NUP50: variants seen among roughly 807,000 people sequenced by gnomAD.
NUP50 encodes nucleoporin 50.
In NUP50, 14 loss-of-function variants were observed where a neutral mutation model predicts 36.8. The observed-to-expected ratio is 0.38, with a 90% CI of 0.25 to 0.59. The LOEUF (loss-of-function observed/expected upper bound fraction) is 0.59, where lower values mean the gene tolerates loss of function less well. NUP50 is among the 20% of genes least tolerant of loss of function. NUP50 has a pLI of 0.63. For missense variants in NUP50, 455 were observed against 564.6 expected, an observed-to-expected ratio of 0.81 and a Z score of 1.97; for synonymous variants, 195 against 210.8, an observed-to-expected ratio of 0.93 and a Z score of 0.65.
intron 3 of NUP50, among the ~76,000 whole-genome samples, chr22:45,172,636 T>C (rs571874062): frequency 8.5e-5 from 13 of 152,312 alleles, no homozygotes; most frequent in South Asian, 2.1e-4. Flanking sequence ...AGGTGTATCA[T>C]TCACACTTTG....
In NUP50 at chr22:45,176,451, G is replaced by A. The variant is rs148529879; in HGVS notation, c.340+371G>A. Among the ~76,000 whole-genome samples, 1,270 of 152,256 alleles carry A rather than the reference G, an allele frequency of 8.3e-3. 5 individuals carry two copies. The highest frequency in any genetic ancestry group is 0.013 in the Non-Finnish European group (888 of 68,014). ...GTGCCAAGGGCTTTCTGTGTGCCTC[G>A]CACCAAACTGGCTACTGGGAACTCA... On this transcript the variant is annotated intron_variant, in intron 4 of 7. Transcript: ENST00000347635.
intron 7 of NUP50, chr22:45,183,961 AGAACAGGGG>A (rs1569058427): frequency 4.8e-6 from 1 of 206,226 alleles, no homozygotes; most frequent in African/African-American, 2.3e-5. Flanking sequence ...GTAGTGGTAG[AGAACAGGGG>A]GCTGTGTTGC....
At position 45,175,877 on chromosome 22, in the gene NUP50, C is replaced by T. The variant is rs374324076; in HGVS notation, c.154-17C>T. 3 of 1,613,378 alleles carry T rather than the reference C, an allele frequency of 1.9e-6. No individual in the cohort carries two copies. The highest frequency in any genetic ancestry group is 1.7e-6 in the Non-Finnish European group (2 of 1,179,726). The stretch of plus-strand genomic sequence containing the variant: ...AAAGTACACTTACCTAATGTGTGCT[C>T]CTCCTTCATACTTCAGTCTGACACT... On this transcript the variant is annotated splice_polypyrimidine_tract_variant and intron_variant, in intron 3 of 7. Coordinates refer to ENST00000347635, the MANE Select transcript of NUP50 (RefSeq NM_007172.4).
At position 45,184,626 on chromosome 22, in the gene NUP50, A is replaced by G. The variant is rs1409610794; in HGVS notation, c.1378A>G (p.Lys460Glu). Residue 460 changes from lysine (K) to glutamate (E), a missense_variant, in exon 8 of 8, where the codon AAA becomes GAA. Lys to Glu is a moderately conservative substitution (Grantham distance 56, BLOSUM62 1). Around this residue, in one of 3 missense-constraint regions of NUP50, gnomAD observed 287 missense variants for 345.5 expected, o/e 0.83. Transcript: ENST00000347635. The part of the protein sequence containing the change: ...KTSEDADELH[K>E]ILLEKKDA Reference sequence around the variant, plus strand: ...CAGCGAGGATGCAGACGAGTTGCACAAAATTTTACTGGAGAAAAAGGATGC... The same window carrying G: ...CAGCGAGGATGCAGACGAGTTGCACGAAATTTTACTGGAGAAAAAGGATGC... 2 of 1,613,314 alleles carry G rather than the reference A, an allele frequency of 1.2e-6. No individual in the cohort carries two copies. Among genetic ancestry groups the G allele is most frequent in the South Asian group, 2.2e-5 (2 of 91,064 alleles).
At chr22:45,172,565 GTTCTCCTT>G (rs1390045770) in intron 3 of NUP50, among the ~76,000 whole-genome samples, 4 of 151,944 alleles carry the variant, frequency 2.6e-5, no homozygotes, top group Non-Finnish European at 4.4e-5. Context: ...TTTCCTGAGC[GTTCTCCTT>G]AAGGGACATG....
At chr22:45,178,936 A>G (rs750316630) in intron 5 of NUP50, 36 bp downstream of exon 5, 18 of 1,559,230 alleles carry the variant, frequency 1.2e-5, no homozygotes, top group Non-Finnish European at 1.4e-5. Flanking sequence ...CGAGGTTTGC[A>G]TAAGATTCTT....
At chr22:45,178,971 T>C (rs1023980039) in intron 5 of NUP50, 71 bp downstream of exon 5, 13 of 1,417,490 alleles carry the variant, frequency 9.2e-6, no homozygotes, top group Admixed American at 2.2e-5. Flanking sequence ...CCAGAGACTT[T>C]GATTCCAAAT....
intron 2 of NUP50, among the ~76,000 whole-genome samples, chr22:45,169,769 TTAG>T (rs2074155843): frequency 6.6e-6 from 1 of 152,198 alleles, no homozygotes; most frequent in African/African-American, 2.4e-5. Flanking sequence ...CACCTGTTAC[TTAG>T]TAGACCGTGA....
At chr22:45,175,168 A>G (rs1183787516) in intron 3 of NUP50, among the ~76,000 whole-genome samples, 1 of 152,230 alleles carries the variant, frequency 6.6e-6, no homozygotes, top group African/African-American at 2.4e-5. Flanking sequence ...ACCTTTCTCC[A>G]AAAGTTCCAG....
chr22:45,175,364 AG>A lies in NUP50; in HGVS notation c.154-528del, dbSNP rs542217050. Among the ~76,000 whole-genome samples the A allele has an allele frequency of 4.6e-5, 7 of 152,380 alleles. No individual in the cohort carries two copies. In the East Asian group the frequency reaches 1.3e-3, roughly 29 times the overall value. On this transcript the variant is annotated intron_variant, in intron 3 of 7. Transcript: ENST00000347635. ...AGTTGTCCCGGGTTGTTCAGCTAAC[AG>A]GAACATGTAGATTTGAGACTCGATC... is the stretch of plus-strand genomic sequence containing the variant.
chr22:45,177,512 A>G (rs1431294825), intron 4 of NUP50, among the ~76,000 whole-genome samples: 1 of 152,018 alleles, frequency 6.6e-6, no homozygotes, highest in Non-Finnish European at 1.5e-5. Flanking sequence ...TAGAACCTGC[A>G]GGTACAGAGG....
intron 7 of NUP50, 196 bp downstream of exon 7, chr22:45,183,716 A>C: frequency 2.0e-6 from 1 of 511,494 alleles, no homozygotes; most frequent in Non-Finnish European, 3.5e-6. Flanking sequence ...AGAAGCTGTA[A>C]ACAAAATGAT....
intron 6 of NUP50, among the ~76,000 whole-genome samples, chr22:45,182,249 T>C (rs2074384726): frequency 6.6e-6 from 1 of 152,014 alleles, no homozygotes; most frequent in South Asian, 2.1e-4. Flanking sequence ...CAGACAAACC[T>C]GGCCAACATG....
At chr22:45,176,408 G>C (rs2074277545) in intron 4 of NUP50, among the ~76,000 whole-genome samples, 1 of 152,196 alleles carries the variant, frequency 6.6e-6, no homozygotes, top group Non-Finnish European at 1.5e-5. Context: ...AAAAGAAAAT[G>C]CTATGTAGAC....
intron 2 of NUP50, among the ~76,000 whole-genome samples, chr22:45,170,331 CGAG>C (rs1245721515): frequency 7.0e-6 from 1 of 143,700 alleles, no homozygotes; most frequent in Non-Finnish European, 1.5e-5. Context: ...TTTCCCCCTT[CGAG>C]GAGAACACCC....
At chr22:45,179,578 C>T (rs1256558114) in intron 5 of NUP50, among the ~76,000 whole-genome samples, 1 of 152,172 alleles carries the variant, frequency 6.6e-6, no homozygotes, top group Non-Finnish European at 1.5e-5. Context: ...TGTGAAGACA[C>T]CTACTTCTAA....
chr22:45,180,096 C>A (rs2074342880), intron 5 of NUP50: 1 of 152,212 alleles, frequency 6.6e-6, no homozygotes, highest in Admixed American at 6.5e-5. Context: ...TTCTTCTCTG[C>A]CTCCCATAAA....
chr22:45,184,949 A>C lies in NUP50; in HGVS notation c.*294A>C. On this transcript the variant is annotated 3_prime_UTR_variant, in exon 8 of 8. Transcript: ENST00000347635. ...CCTAAGTGATTTCTTCAAGGACTGC[A>C]ATCAGGGTATCAATTTGCTTTCCCA... The C allele has an allele frequency of 2.5e-6, 1 of 403,840 alleles. No homozygotes were observed. The highest frequency in any genetic ancestry group is 4.6e-6 in the Non-Finnish European group (1 of 219,306). 25.0% of individuals were successfully genotyped at this position (403,840 alleles called of 1,614,324 possible). A position where few individuals can be genotyped will look rare whatever the true frequency, so the allele number is the denominator to read the frequency against.
Position 45,183,958 on chromosome 22 carries a change from T to C in NUP50, c.1204+438T>C. 1.4e-5 allele frequency: 3 copies of C among 211,624 alleles called. No individual in the cohort carries two copies. The South Asian group carries it at 2.2e-4, about 16-fold the overall frequency. The allele number at this position is 211,624 out of a possible 1,614,324, so 13.1% of individuals were successfully genotyped here. A position where few individuals can be genotyped will look rare whatever the true frequency, so the allele number is the denominator to read the frequency against. Reference sequence around the variant, plus strand: ...CCTGCGGTGGAGCGGGCAGTAGTGGTAGAGAACAGGGGGCTGTGTTGCAGA... The same window carrying C: ...CCTGCGGTGGAGCGGGCAGTAGTGGCAGAGAACAGGGGGCTGTGTTGCAGA... On this transcript the variant is annotated intron_variant, in intron 7 of 7. Coordinates refer to ENST00000347635, the MANE Select transcript of NUP50 (RefSeq NM_007172.4).
Sources: allele counts gnomAD v4.1 joint callset (sites outside exome capture counted in the v4.1 genomes callset), GRCh38; gene constraint gnomAD v4.1.1; regional missense constraint gnomAD v4.1.1; transcripts MANE v1.5; gene names NCBI Gene and HGNC (gene_info 2026-07-23, HGNC 2026-07-21).